Variants in SDK1 observed in about 807,000 individuals in gnomAD.
The protein encoded by SDK1 is sidekick cell adhesion molecule 1.
In SDK1, 157 loss-of-function variants were observed where a neutral mutation model predicts 245.5. The ratio of observed to expected loss-of-function variants is 0.64; its 90% CI spans 0.56 to 0.73. SDK1 has a LOEUF of 0.73. Ranked by LOEUF, SDK1 falls within the 30% of genes least tolerant of loss-of-function variation. The probability of loss-of-function intolerance (pLI) is 0.00; values close to 1 mark genes in which losing one functional copy is unlikely to be tolerated. For missense variants in SDK1, 3,583 were observed against 3,002.3 expected (o/e 1.19, Z -4.52); for synonymous variants, 1,647 against 1,278.5 (o/e 1.29, Z -6.15).
rs1206563199 is a variant in SDK1 at position 4,049,991 on chromosome 7, TA to T, written c.2718+529del. Among the ~76,000 whole-genome samples the T allele has an allele frequency of 5.3e-5, 8 of 152,322 alleles. No individual in the cohort carries two copies. The East Asian group carries it at 1.5e-3, about 29-fold the overall frequency. On this transcript the variant is annotated intron_variant, in intron 18 of 44. Transcript: ENST00000404826. ...TCCATCATCCGACTTCTTGTGTCTT[TA>T]GCTACCAGAGTGTGTTAACTTCACT...
chr7:4,169,481 T>G (rs548092133), intron 32 of SDK1, among the ~76,000 whole-genome samples: 4 of 152,188 alleles, frequency 2.6e-5, no homozygotes, highest in South Asian at 2.1e-4. Context: ...AAAAGCCGCC[T>G]CCTCCTCCAA....
At position 3,518,743 on chromosome 7, in the gene SDK1, A is replaced by G. The variant is rs1020912028; in HGVS notation, c.299-100337A>G. ...ACACTATGCAGGAAAGTAAACTAGT[A>G]TGGTCACTATGGAGAGCAGAGTGGA... On this transcript the variant is annotated intron_variant, in intron 1 of 44. Transcript: ENST00000404826. Among the ~76,000 whole-genome samples, 3 of 152,186 alleles carry G rather than the reference A, an allele frequency of 2.0e-5. No individual in the cohort carries two copies. In the South Asian group the frequency reaches 6.2e-4, roughly 32 times the overall value.
intron 4 of SDK1, among the ~76,000 whole-genome samples, chr7:3,653,041 A>G (rs1462136868): frequency 6.6e-6 from 1 of 152,210 alleles, no homozygotes; most frequent in Non-Finnish European, 1.5e-5. Context: ...AGTGCCAAAC[A>G]GTGGACTTCT....
intron 4 of SDK1, among the ~76,000 whole-genome samples, chr7:3,821,114 G>C (rs1302875022): frequency 6.6e-6 from 1 of 152,120 alleles, no homozygotes; most frequent in Non-Finnish European, 1.5e-5. Flanking sequence ...CCTTCTAACT[G>C]GTCTTGTTAT....
intron 1 of SDK1, among the ~76,000 whole-genome samples, chr7:3,466,979 T>TACACACACACACACACACACAC (rs11269597): frequency 3.1e-5 from 4 of 127,544 alleles, no homozygotes; most frequent in African/African-American, 6.1e-5. Context: ...TCTCTCTCTC[T>TACACACACACACACACACACAC]ACACACACAC....
At chr7:4,050,286 AC>A (rs1789352203) in intron 18 of SDK1, among the ~76,000 whole-genome samples, 1 of 152,222 alleles carries the variant, frequency 6.6e-6, no homozygotes, top group African/African-American at 2.4e-5. Context: ...TTACTAAAAC[AC>A]TGATTTGTCT....
At chr7:4,237,549 T>C in intron 41 of SDK1, 98 bp from the exon 42 acceptor site, 3 of 1,403,784 alleles carry the variant, frequency 2.1e-6, no homozygotes, top group Non-Finnish European at 3.0e-6. Flanking sequence ...CTGGGAGTTA[T>C]CTACCCCAGC....
At chr7:3,844,432 A>C (rs1039553691) in intron 5 of SDK1, among the ~76,000 whole-genome samples, 28 of 152,324 alleles carry the variant, frequency 1.8e-4, no homozygotes, top group African/African-American at 6.5e-4. Flanking sequence ...AAATTGAATT[A>C]AGACTCAGGA....
At chr7:4,057,515 T>G (rs1779277328) in intron 19 of SDK1, among the ~76,000 whole-genome samples, 1 of 152,116 alleles carries the variant, frequency 6.6e-6, no homozygotes, top group African/African-American at 2.4e-5. Context: ...ACTGCTACTG[T>G]CACTGCCTAT....
intron 4 of SDK1, among the ~76,000 whole-genome samples, chr7:3,674,789 A>G (rs569595781): frequency 3.3e-5 from 5 of 152,126 alleles, no homozygotes; most frequent in Non-Finnish European, 7.4e-5. Flanking sequence ...ACGTCTTTCT[A>G]TAAGGAGTTG....
chr7:3,810,911 T>C (rs537819764), intron 4 of SDK1, among the ~76,000 whole-genome samples: 12 of 152,198 alleles, frequency 7.9e-5, no homozygotes, highest in Non-Finnish European at 1.8e-4. Flanking sequence ...ATGGGCTTTG[T>C]TTTAGGTAAT....
chr7:3,533,563 C>G (rs1583133837), intron 1 of SDK1, among the ~76,000 whole-genome samples: 2 of 152,132 alleles, frequency 1.3e-5, no homozygotes, highest in East Asian at 1.9e-4. Context: ...CCCTATAAGT[C>G]TGTAATGAAA....
At chr7:3,647,706 A>C (rs1193705211) in intron 4 of SDK1, among the ~76,000 whole-genome samples, 1 of 152,142 alleles carries the variant, frequency 6.6e-6, no homozygotes, top group Non-Finnish European at 1.5e-5. Context: ...CTGGGATTAC[A>C]GACCACCGTG....
At chr7:3,313,088 T>A (rs1445237571) in intron 1 of SDK1, among the ~76,000 whole-genome samples, 2 of 152,124 alleles carry the variant, frequency 1.3e-5, no homozygotes, top group Non-Finnish European at 2.9e-5. Context: ...GAATTCCATG[T>A]CCATATAAAG....
intron 1 of SDK1, among the ~76,000 whole-genome samples, chr7:3,608,799 A>C (rs746153094): frequency 2.0e-5 from 3 of 152,264 alleles, no homozygotes; most frequent in African/African-American, 7.2e-5. Flanking sequence ...CCGCGTTGCA[A>C]CTAACCTTTA....
chr7:3,624,061 C>A (rs1249206917), intron 2 of SDK1, among the ~76,000 whole-genome samples: 2 of 152,164 alleles, frequency 1.3e-5, no homozygotes, highest in Middle Eastern at 3.4e-3. Flanking sequence ...GTAGAACCCA[C>A]GTGGAAAGTG....
intron 5 of SDK1, among the ~76,000 whole-genome samples, chr7:3,842,912 T>C (rs1366097479): frequency 6.6e-6 from 1 of 152,128 alleles, no homozygotes; most frequent in African/African-American, 2.4e-5. Context: ...CAATGGTCTC[T>C]TTAGGAAAGG....
chr7:3,398,486 A>G (rs949820221), intron 1 of SDK1, among the ~76,000 whole-genome samples: 4 of 151,934 alleles, frequency 2.6e-5, no homozygotes, highest in African/African-American at 9.7e-5. Context: ...ACCTTCCCCT[A>G]GGTCACATAA....
intron 5 of SDK1, among the ~76,000 whole-genome samples, chr7:3,888,579 G>T (rs1030373056): frequency 4.6e-5 from 7 of 152,186 alleles, no homozygotes; most frequent in Non-Finnish European, 1.0e-4. Flanking sequence ...ATTTTCTACA[G>T]TATATCATCA....
Sources: gnomAD v4.1 joint callset for allele counts (sites outside exome capture counted in the v4.1 genomes callset) on GRCh38, gnomAD v4.1.1 for gene constraint, MANE v1.5 for transcripts, NCBI Gene and HGNC (gene_info 2026-07-23, HGNC 2026-07-21) for gene names.